Variants in LARP4 observed in about 807,000 individuals in gnomAD.
The protein encoded by LARP4 is la-related protein 4.
LARP4 carries 29 observed loss-of-function variants against 92.9 expected under a neutral mutation model. The ratio of observed to expected loss-of-function variants is 0.31; its 90% CI spans 0.23 to 0.43. LARP4 has a LOEUF of 0.43. LARP4 is among the 20% of genes least tolerant of loss of function. LARP4 has a pLI of 1.00. For missense variants in LARP4, 732 were observed against 860.0 expected (o/e 0.85, Z 1.86); for synonymous variants, 279 against 284.1 (o/e 0.98, Z 0.18).
intron 1 of LARP4, among the ~76,000 whole-genome samples, chr12:50,401,963 G>C (rs76605115): frequency 1.3e-5 from 2 of 152,284 alleles, no homozygotes; most frequent in East Asian, 3.9e-4. Context: ...GTAGATTCCA[G>C]ATCATATTGT....
intron 1 of LARP4, among the ~76,000 whole-genome samples, chr12:50,423,363 CG>C (rs2136885217): frequency 6.6e-6 from 1 of 152,172 alleles, no homozygotes; most frequent in African/African-American, 2.4e-5. Flanking sequence ...TGATAGAATG[CG>C]TCGGTGTTTG....
In LARP4 at chr12:50,474,151, C is replaced by G; in HGVS notation, c.1820C>G (p.Thr607Arg). The change falls in exon 15 of 16, where the codon ACA becomes AGA. Residue 607 changes from threonine (T) to arginine (R), a missense_variant. Thr to Arg is a moderately conservative substitution (Grantham distance 71, BLOSUM62 -1). Around this residue, in one of 7 missense-constraint regions of LARP4, gnomAD observed 97 missense variants for 85.9 expected, o/e 1.13. Coordinates refer to ENST00000398473, the MANE Select transcript of LARP4 (RefSeq NM_052879.5). ...SPCNNNINAATAVALQEPRKL... is the reference protein window; with the variant it reads ...SPCNNNINAARAVALQEPRKL... ...TGTAATAATAACATAAATGCAGCTACAGCTGTGGCTCTACAGGTAACTTGA... is the reference window on the plus strand; with the variant it reads ...TGTAATAATAACATAAATGCAGCTAGAGCTGTGGCTCTACAGGTAACTTGA... 6.2e-7 allele frequency: 1 copy of G among 1,610,792 alleles called. No homozygotes were observed. Among genetic ancestry groups the G allele is most frequent in the South Asian group, 1.1e-5 (1 of 90,340 alleles).
At chr12:50,442,625 T>A (rs1951395448) in intron 8 of LARP4, among the ~76,000 whole-genome samples, 1 of 152,266 alleles carries the variant, frequency 6.6e-6, no homozygotes, top group South Asian at 2.1e-4. Context: ...ACATTATTCT[T>A]ACTAATCCCT....
chr12:50,428,959 T>G lies in LARP4; in HGVS notation c.191T>G (p.Ile64Arg), dbSNP rs541317273. ...PEGNAELSED[I>R]CKEYEVMYSS... ...GGTAATGCAGAGCTCTCAGAAGATATATGTAAAGAATATGAAGTAATGTAT... is the reference window on the plus strand; with the variant it reads ...GGTAATGCAGAGCTCTCAGAAGATAGATGTAAAGAATATGAAGTAATGTAT... The change falls in exon 3 of 16, where the codon ATA becomes AGA. Residue 64 changes from isoleucine to arginine, a missense_variant. Around this residue, in one of 7 missense-constraint regions of LARP4, gnomAD observed 236 missense variants for 307.6 expected, o/e 0.77. Coordinates refer to ENST00000398473, the MANE Select transcript of LARP4 (RefSeq NM_052879.5). 6.3e-7 allele frequency: 1 copy of G among 1,599,418 alleles called. No individual in the cohort carries two copies. The highest frequency in any genetic ancestry group is 8.5e-7 in the Non-Finnish European group (1 of 1,171,392).
At chr12:50,460,482 A>G (rs906252929) in intron 10 of LARP4, among the ~76,000 whole-genome samples, 1 of 140,870 alleles carries the variant, frequency 7.1e-6, no homozygotes, top group African/African-American at 2.5e-5. Context: ...GGTGCATACC[A>G]CTGCACATTT....
chr12:50,460,124 G>T (rs1428454192), intron 10 of LARP4, among the ~76,000 whole-genome samples: 3 of 148,416 alleles, frequency 2.0e-5, no homozygotes, highest in African/African-American at 7.5e-5. Flanking sequence ...AACAGAGCAA[G>T]ACTCCATCTC....
At chr12:50,424,449 A>G (rs1232315190) in intron 1 of LARP4, among the ~76,000 whole-genome samples, 2 of 150,070 alleles carry the variant, frequency 1.3e-5, no homozygotes, top group Non-Finnish European at 3.0e-5. Context: ...ACCACTGTCT[A>G]TGGGGTTCAA....
intron 1 of LARP4, among the ~76,000 whole-genome samples, chr12:50,421,068 G>A (rs576577972): frequency 1.4e-5 from 2 of 146,200 alleles, no homozygotes; most frequent in East Asian, 4.3e-4. Context: ...TACTGCCTCA[G>A]CTTCCCAAGT....
intron 12 of LARP4, among the ~76,000 whole-genome samples, chr12:50,466,332 G>A (rs908727715): frequency 3.3e-5 from 5 of 152,112 alleles, no homozygotes; most frequent in African/African-American, 1.2e-4. Context: ...AGATGGTGAT[G>A]GGCGGGCACA....
chr12:50,476,075 A>AATATAT lies in LARP4; in HGVS notation c.*223_*228dup, dbSNP rs149999313. The AATATAT allele has an allele frequency of 3.6e-6, 1 of 280,908 alleles. No individual in the cohort carries two copies. The highest frequency in any genetic ancestry group is 2.2e-5 in the African/African-American group (1 of 45,350). The allele number at this position is 280,908 out of a possible 1,614,324, so 17.4% of individuals were successfully genotyped here. ...ATGCTGGAGGATTCCAATCAATATA[A>AATATAT]ATATATATATATATATACACACACA... On this transcript the variant is annotated 3_prime_UTR_variant, in exon 16 of 16. Transcript: ENST00000398473.
chr12:50,402,776 A>G (rs1251908302), intron 1 of LARP4: 1 of 455,752 alleles, frequency 2.2e-6, no homozygotes, highest in South Asian at 1.6e-5. Context: ...CAAATCATGG[A>G]CGGGATGTTA....
At chr12:50,440,768 T>G (rs957035153) in intron 7 of LARP4, among the ~76,000 whole-genome samples, 1 of 152,202 alleles carries the variant, frequency 6.6e-6, no homozygotes, top group Non-Finnish European at 1.5e-5. Flanking sequence ...ATAAGAATAT[T>G]AACATAACAG....
rs1957151616 is a variant in LARP4, at chr12:50,473,410, T to G, written c.1546-5T>G. 2 of 1,610,950 alleles carry G rather than the reference T, an allele frequency of 1.2e-6. No individual in the cohort carries two copies. The highest frequency in any genetic ancestry group is 1.3e-5 in the African/African-American group (1 of 74,810). On this transcript the variant is annotated splice_region_variant and splice_polypyrimidine_tract_variant and intron_variant, in intron 13 of 15. Transcript: ENST00000398473. ...TGTAATTTTGAAAAATCTTTTTACT[T>G]TAAGGATAATGAAGAGTTGACAATT... is the stretch of plus-strand genomic sequence containing the variant.
At chr12:50,470,037 T>G (rs998012542) in intron 13 of LARP4, among the ~76,000 whole-genome samples, 2 of 150,316 alleles carry the variant, frequency 1.3e-5, no homozygotes, top group African/African-American at 2.5e-5. Context: ...GTGGGCAACA[T>G]AGAGAGGTCC....
At chr12:50,470,737 AC>A (rs1176263824) in intron 13 of LARP4, among the ~76,000 whole-genome samples, 2 of 151,904 alleles carry the variant, frequency 1.3e-5, no homozygotes, top group Non-Finnish European at 2.9e-5. Context: ...TCTCCTTATA[AC>A]CCCAACACAC....
intron 4 of LARP4, 115 bp downstream of exon 4, chr12:50,430,685 A>T: frequency 8.3e-6 from 5 of 602,266 alleles, no homozygotes; most frequent in Non-Finnish European, 1.1e-5. Context: ...TTCTTGAGAC[A>T]GAGTCTCATG....
At chr12:50,466,650 G>C (rs1263998839) in intron 12 of LARP4, among the ~76,000 whole-genome samples, 1 of 152,038 alleles carries the variant, frequency 6.6e-6, no homozygotes, top group Non-Finnish European at 1.5e-5. Context: ...TAGGTAAAGT[G>C]GGTGTTTTTG....
intron 15 of LARP4, among the ~76,000 whole-genome samples, chr12:50,474,473 G>A (rs1312604714): frequency 4.6e-5 from 7 of 151,882 alleles, no homozygotes; most frequent in Non-Finnish European, 8.8e-5. Flanking sequence ...TCAGCCTCCC[G>A]GGTAGCTGGG....
chr12:50,408,798 C>G (rs1471781608), intron 1 of LARP4, among the ~76,000 whole-genome samples: 1 of 152,156 alleles, frequency 6.6e-6, no homozygotes, highest in Non-Finnish European at 1.5e-5. Context: ...TCCTGCTATA[C>G]TAACAAAGTA....
Sources: gnomAD v4.1 joint callset for allele counts (sites outside exome capture counted in the v4.1 genomes callset) on GRCh38, gnomAD v4.1.1 for gene constraint, gnomAD v4.1.1 regional missense constraint, MANE v1.5 for transcripts, NCBI Gene and HGNC (gene_info 2026-07-23, HGNC 2026-07-21) for gene names.